SIGLEC15: variants seen among roughly 807,000 people sequenced by gnomAD.
SIGLEC15 encodes sialic acid-binding Ig-like lectin 15.
SIGLEC15 carries 31 observed loss-of-function variants against 26.2 expected under a neutral mutation model. That is an observed-to-expected ratio of 1.18 (90% CI 0.89 to 1.60). SIGLEC15 has a LOEUF of 1.60. Among genes scored for constraint, SIGLEC15 ranks in the 40% most tolerant of loss-of-function variants. The pLI is 0.00. For missense variants in SIGLEC15, 501 were observed against 488.4 expected (o/e 1.03, Z -0.24); for synonymous variants, 207 against 221.9 (o/e 0.93, Z 0.60).
At chr18:45,840,012 T>C (rs988247488) in intron 4 of SIGLEC15, among the ~76,000 whole-genome samples, 199 bp from the exon 5 acceptor site, 1 of 152,166 alleles carries the variant, frequency 6.6e-6, no homozygotes, top group Non-Finnish European at 1.5e-5. Flanking sequence ...TTTACTGGAT[T>C]GCTCCTCAGT....
intron 4 of SIGLEC15, among the ~76,000 whole-genome samples, chr18:45,839,842 C>G (rs1036651243): frequency 6.6e-6 from 1 of 152,100 alleles, no homozygotes; most frequent in African/African-American, 2.4e-5. Context: ...TTCTTGGAGC[C>G]CCTCAGAACC....
chr18:45,830,221 A>G (rs550813560), intron 1 of SIGLEC15, among the ~76,000 whole-genome samples: 7 of 152,314 alleles, frequency 4.6e-5, no homozygotes, highest in Admixed American at 3.9e-4. Context: ...GGCAAAACCA[A>G]GGTTTCTGTT....
intron 3 of SIGLEC15, chr18:45,838,407 C>T: frequency 2.1e-6 from 1 of 473,926 alleles, no homozygotes; most frequent in East Asian, 4.0e-5. Flanking sequence ...TGCTCTGCGA[C>T]AATAATGGCC....
At chr18:45,841,136 C>G (rs961212242) in intron 5 of SIGLEC15, 1 of 152,356 alleles carries the variant, frequency 6.6e-6, no homozygotes, top group African/African-American at 2.4e-5. Flanking sequence ...GAAATGGACA[C>G]GTGATGCAGC....
At chr18:45,830,111 C>T (rs1218002019) in intron 1 of SIGLEC15, among the ~76,000 whole-genome samples, 4 of 90,156 alleles carry the variant, frequency 4.4e-5, no homozygotes, top group Admixed American at 2.4e-4. Flanking sequence ...TTAACAGAAG[C>T]GTGACTACGC....
Position 45,837,832 on chromosome 18 carries a change from C to G in SIGLEC15, c.432C>G (p.Val144=). Reference sequence around the variant, plus strand: ...ACGACCGCCGCTACTTCTGCCGCGTCGAGTTCGCCGGCGACGTCCATGACC... The same window carrying G: ...ACGACCGCCGCTACTTCTGCCGCGTGGAGTTCGCCGGCGACGTCCATGACC... ...LADDRRYFCR[V]EFAGDVHDRY... is the part of the protein sequence containing the mutation. The change falls in exon 3 of 6, where the codon GTC becomes GTG. Residue 144 remains valine, a synonymous_variant. Coordinates refer to ENST00000389474, the MANE Select transcript of SIGLEC15 (RefSeq NM_213602.3). The G allele has an allele frequency of 6.5e-7, 1 of 1,535,746 alleles. No homozygotes were observed. Among genetic ancestry groups the G allele is most frequent in the Non-Finnish European group, 8.7e-7 (1 of 1,151,468 alleles).
At chr18:45,833,123 G>A (rs2048248586) in intron 1 of SIGLEC15, among the ~76,000 whole-genome samples, 1 of 152,094 alleles carries the variant, frequency 6.6e-6, no homozygotes, top group South Asian at 2.1e-4. Context: ...ATTGGCTCTT[G>A]TCCTTGGGCA....
chr18:45,840,331 C>A, intron 5 of SIGLEC15, 90 bp downstream of exon 5: 1 of 1,432,644 alleles, frequency 7.0e-7, no homozygotes, highest in Non-Finnish European at 9.6e-7. Context: ...GAATAAATGG[C>A]AAAGGGCTGG....
chr18:45,834,707 G>A (rs781475291), intron 1 of SIGLEC15, among the ~76,000 whole-genome samples: 3 of 152,202 alleles, frequency 2.0e-5, no homozygotes, highest in African/African-American at 4.8e-5. Context: ...ACCACAGCTC[G>A]TACCCCAGTG....
chr18:45,842,026 G>A, intron 5 of SIGLEC15, 80 bp from the exon 6 acceptor site: 1 of 1,288,198 alleles, frequency 7.8e-7, no homozygotes, highest in Non-Finnish European at 1.1e-6. Context: ...CCTCTTCTTG[G>A]CCCACTGCTG....
At chr18:45,841,989 C>A in intron 5 of SIGLEC15, 117 bp from the exon 6 acceptor site, 1 of 950,312 alleles carries the variant, frequency 1.1e-6, no homozygotes, top group Admixed American at 1.9e-5. Context: ...CCTGCCGGTT[C>A]CAGCCGCACT....
intron 4 of SIGLEC15, among the ~76,000 whole-genome samples, chr18:45,839,868 C>A (rs1273048501): frequency 2.6e-5 from 4 of 152,130 alleles, no homozygotes; most frequent in Non-Finnish European, 5.9e-5. Context: ...GTCCATAGCA[C>A]TAGGCTCACA....
rs765795277 is a variant in SIGLEC15 at position 45,837,796 on chromosome 18, C to T, written c.396C>T (p.Leu132=). The change falls in exon 3 of 6, where the codon CTC becomes CTT. Residue 132 remains leucine (L), a synonymous_variant. Coordinates refer to ENST00000389474, the MANE Select transcript of SIGLEC15 (RefSeq NM_213602.3). The part of the protein sequence containing the change: ...RNDLSLRVER[L]ALADDRRYFC... ...ACCTCTCGCTGCGCGTCGAGCGCCTCGCCCTGGCTGACGACCGCCGCTACT... is the reference window on the plus strand; with the variant it reads ...ACCTCTCGCTGCGCGTCGAGCGCCTTGCCCTGGCTGACGACCGCCGCTACT... 2 of 1,525,134 alleles carry T rather than the reference C, an allele frequency of 1.3e-6. No individual in the cohort carries two copies. The allele number at this position is 1,525,134 out of a possible 1,614,324, so 94.5% of individuals were successfully genotyped here.
At chr18:45,828,151 C>T (rs896666880) in intron 1 of SIGLEC15, among the ~76,000 whole-genome samples, 16 of 152,200 alleles carry the variant, frequency 1.1e-4, no homozygotes, top group Non-Finnish European at 1.9e-4. Flanking sequence ...GGCTCTGCTC[C>T]ACCACCGTGT....
intron 1 of SIGLEC15, among the ~76,000 whole-genome samples, chr18:45,831,532 G>A (rs1247178469): frequency 6.6e-6 from 1 of 152,180 alleles, no homozygotes; most frequent in Non-Finnish European, 1.5e-5. Context: ...CTAACGAGGA[G>A]GCTATTAATT....
intron 1 of SIGLEC15, 139 bp downstream of exon 1, chr18:45,825,919 G>A: frequency 1.0e-6 from 1 of 1,000,392 alleles, no homozygotes. Context: ...GCTGCGCTTG[G>A]GGCCTGTGGT....
At position 45,838,938 on chromosome 18, in the gene SIGLEC15, C is replaced by T. The variant is rs745455659; in HGVS notation, c.717C>T (p.Ala239=). Residue 239 remains alanine, a synonymous_variant, in exon 4 of 6, where the codon GCC becomes GCT. Coordinates refer to ENST00000389474, the MANE Select transcript of SIGLEC15 (RefSeq NM_213602.3). ...LTHDGRYTCT[A]ANSLGRSEAS... ...ATGACGGCCGCTACACGTGTACGGC[C>T]GCCAACAGCCTGGGCCGCTCCGAGG... 1.9e-6 allele frequency: 3 copies of T among 1,605,000 alleles called. No individual in the cohort carries two copies. The highest frequency in any genetic ancestry group is 1.3e-5 in the African/African-American group (1 of 74,582).
chr18:45,839,041 A>G lies in SIGLEC15; in HGVS notation c.820A>G (p.Lys274Glu), dbSNP rs1333137285. ...VALLLGALGF[K>E]ALLLLGVLAA... Reference sequence around the variant, plus strand: ...CCTCCTGCTCGGCGCTCTCGGCTTCAAGGCGCTGCTGCTGCTCGGGGTCCT... The same window carrying G: ...CCTCCTGCTCGGCGCTCTCGGCTTCGAGGCGCTGCTGCTGCTCGGGGTCCT... Residue 274 changes from lysine to glutamate, a missense_variant, in exon 4 of 6, where the codon AAG (lysine) becomes GAG (glutamate). Coordinates refer to ENST00000389474, the MANE Select transcript of SIGLEC15 (RefSeq NM_213602.3). 9 of 1,550,680 alleles carry G rather than the reference A, an allele frequency of 5.8e-6. No individual in the cohort carries two copies. The African/African-American group carries it at 7.1e-5, about 12-fold the overall frequency.
At chr18:45,828,187 C>T (rs116431801) in intron 1 of SIGLEC15, among the ~76,000 whole-genome samples, 2,285 of 152,290 alleles carry the variant, frequency 0.015, 58 homozygotes, top group African/African-American at 0.051. Context: ...TGTGAGCAGA[C>T]GCCTGTGCCA....
Sources: allele counts gnomAD v4.1 joint callset (sites outside exome capture counted in the v4.1 genomes callset), GRCh38; gene constraint gnomAD v4.1.1; transcripts MANE v1.5; gene names NCBI Gene and HGNC (gene_info 2026-07-23, HGNC 2026-07-21).